The following MARCHF1 variants were observed in gnomAD, a reference collection of about 807,000 sequenced individuals.
The protein encoded by MARCHF1 is membrane associated ring-CH-type finger 1.
MARCHF1 carries 40 observed loss-of-function variants against 54.2 expected under a neutral mutation model. The observed-to-expected ratio is 0.74, with a 90% CI of 0.57 to 0.96. The LOEUF (loss-of-function observed/expected upper bound fraction) is 0.96. Among genes scored for constraint, MARCHF1 ranks in the 40% least tolerant of loss-of-function variants. MARCHF1 has a pLI of 0.00. For missense variants in MARCHF1, 586 were observed against 656.5 expected (o/e 0.89, Z 1.17); for synonymous variants, 236 against 236.3 (o/e 1.00, Z 0.01).
intron 2 of MARCHF1, among the ~76,000 whole-genome samples, chr4:164,099,011 T>C (rs1474483001): frequency 2.6e-5 from 4 of 152,222 alleles, no homozygotes; most frequent in African/African-American, 9.6e-5. Flanking sequence ...CACATATAGT[T>C]AATGTTGAAT....
intron 8 of MARCHF1, 66 bp from the exon 9 acceptor site, chr4:163,545,809 TCC>T: frequency 6.9e-7 from 1 of 1,455,246 alleles, no homozygotes; most frequent in Non-Finnish European, 9.6e-7. Flanking sequence ...CTCTTTTATT[TCC>T]CAGACACAGA....
intron 3 of MARCHF1, among the ~76,000 whole-genome samples, chr4:163,971,309 G>A (rs1441952691): frequency 6.6e-6 from 1 of 152,158 alleles, no homozygotes; most frequent in Non-Finnish European, 1.5e-5. Context: ...TCAGGAGAAA[G>A]GTATTAATAG....
intron 4 of MARCHF1, among the ~76,000 whole-genome samples, chr4:163,783,169 C>G (rs1216868631): frequency 6.6e-6 from 1 of 152,110 alleles, no homozygotes; most frequent in Non-Finnish European, 1.5e-5. Context: ...GTTTAATTTT[C>G]AAAATAGTCC....
chr4:164,147,714 C>A (rs1321348748), intron 1 of MARCHF1, among the ~76,000 whole-genome samples: 2 of 142,672 alleles, frequency 1.4e-5, no homozygotes, highest in Non-Finnish European at 3.0e-5. Flanking sequence ...GGAGATATAC[C>A]TAATGCTAGA....
chr4:164,084,145 T>TA (rs1234714639), intron 2 of MARCHF1, among the ~76,000 whole-genome samples: 4 of 151,978 alleles, frequency 2.6e-5, no homozygotes, highest in African/African-American at 7.2e-5. Context: ...TAGGATATTA[T>TA]AATAACTTAG....
At chr4:164,192,824 G>C (rs1731156776) in intron 1 of MARCHF1, among the ~76,000 whole-genome samples, 1 of 152,162 alleles carries the variant, frequency 6.6e-6, no homozygotes, top group Admixed American at 6.5e-5. Context: ...CACTATACTA[G>C]GAACTTGCAG....
chr4:164,198,060 A>G (rs1191694084), intron 1 of MARCHF1, among the ~76,000 whole-genome samples: 1 of 152,180 alleles, frequency 6.6e-6, no homozygotes, highest in African/African-American at 2.4e-5. Context: ...TTACTTTTAG[A>G]GACCTGACAC....
intron 4 of MARCHF1, among the ~76,000 whole-genome samples, chr4:163,736,643 A>C (rs1429226043): frequency 6.6e-6 from 1 of 152,094 alleles, no homozygotes; most frequent in East Asian, 1.9e-4. Flanking sequence ...ATTCAGTAGA[A>C]TATTATGATG....
At chr4:164,059,875 T>G (rs1269970204) in intron 2 of MARCHF1, among the ~76,000 whole-genome samples, 1 of 152,126 alleles carries the variant, frequency 6.6e-6, no homozygotes, top group Non-Finnish European at 1.5e-5. Flanking sequence ...TAGATAAAAT[T>G]GAGAAAACAA....
chr4:164,181,419 A>C (rs959851934), intron 1 of MARCHF1, among the ~76,000 whole-genome samples: 4 of 152,190 alleles, frequency 2.6e-5, no homozygotes, highest in Admixed American at 1.3e-4. Context: ...TTTAGCACAC[A>C]CTAAGGCATA....
intron 1 of MARCHF1, among the ~76,000 whole-genome samples, chr4:164,231,264 T>A (rs1732407443): frequency 6.6e-6 from 1 of 152,188 alleles, no homozygotes; most frequent in Admixed American, 6.5e-5. Context: ...TGTCACCCCA[T>A]CTGACCTCCC....
At chr4:163,696,396 T>C (rs77132289) in intron 5 of MARCHF1, among the ~76,000 whole-genome samples, 1,848 of 152,250 alleles carry the variant, frequency 0.012, 44 homozygotes, top group African/African-American at 0.042. Flanking sequence ...ATTTCATACA[T>C]ACTCATTAAG....
chr4:164,108,830 C>T (rs1245665487), intron 2 of MARCHF1, among the ~76,000 whole-genome samples: 1 of 151,894 alleles, frequency 6.6e-6, no homozygotes, highest in Non-Finnish European at 1.5e-5. Context: ...ATAGGTATTA[C>T]CTTATGAAGC....
At chr4:164,268,332 T>G (rs1733661958) in intron 1 of MARCHF1, among the ~76,000 whole-genome samples, 1 of 152,072 alleles carries the variant, frequency 6.6e-6, no homozygotes, top group Admixed American at 6.6e-5. Flanking sequence ...TTGTTCCAGG[T>G]TTGGGTTTGC....
intron 4 of MARCHF1, among the ~76,000 whole-genome samples, chr4:163,833,712 T>C (rs1003417121): frequency 6.6e-6 from 1 of 152,124 alleles, no homozygotes; most frequent in Admixed American, 6.6e-5. Flanking sequence ...GATGCTTTTG[T>C]GTGAAAAAAT....
chr4:163,979,554 GTCAAATGGTATTTCTAGT>G (rs1752719729), intron 3 of MARCHF1, among the ~76,000 whole-genome samples: 1 of 149,634 alleles, frequency 6.7e-6, no homozygotes, highest in South Asian at 2.1e-4. Flanking sequence ...GGATGGCTGG[GTCAAATGGTATTTCTAGT>G]TCTAGATCCC....
intron 4 of MARCHF1, among the ~76,000 whole-genome samples, chr4:163,717,265 C>G (rs949579606): frequency 6.7e-6 from 1 of 149,458 alleles, no homozygotes; most frequent in Non-Finnish European, 1.5e-5. Flanking sequence ...TTTGTCCTTG[C>G]GATAGTTTGC....
chr4:164,190,799 G>A (rs766727787), intron 1 of MARCHF1, among the ~76,000 whole-genome samples: 65 of 152,170 alleles, frequency 4.3e-4, no homozygotes, highest in Non-Finnish European at 8.7e-4. Flanking sequence ...TTGCATGATA[G>A]GAAGTCTTTC....
chr4:164,233,216 C>A (rs550377205), intron 1 of MARCHF1, among the ~76,000 whole-genome samples: 127 of 151,198 alleles, frequency 8.4e-4, no homozygotes, highest in African/African-American at 2.9e-3. Flanking sequence ...TAGTCCAACT[C>A]TCATAACTGG....
Sources: gnomAD v4.1 joint callset for allele counts (sites outside exome capture counted in the v4.1 genomes callset) on GRCh38, gnomAD v4.1.1 for gene constraint, MANE v1.5 for transcripts, NCBI Gene and HGNC (gene_info 2026-07-23, HGNC 2026-07-21) for gene names.